RPP40: variants seen among roughly 807,000 people sequenced by gnomAD.
RPP40 encodes the protein ribonuclease P/MRP subunit p40.
Under a neutral mutation model 42.5 loss-of-function variants are expected in RPP40, and 30 were observed. That is an observed-to-expected ratio of 0.71 (90% confidence interval 0.53 to 0.96). RPP40 has a LOEUF of 0.96. RPP40 is among the 40% of genes least tolerant of loss of function. The probability of loss-of-function intolerance (pLI) is 0.00; values close to 1 mark genes in which losing one functional copy is unlikely to be tolerated. For synonymous variants in RPP40, 173 were observed against 164.0 expected (o/e 1.05, Z -0.42); for missense variants, 426 against 433.5 (o/e 0.98, Z 0.15).
intron 5 of RPP40, 27 bp downstream of exon 5, chr6:4,998,689 T>C: frequency 6.9e-7 from 1 of 1,445,990 alleles, no homozygotes; most frequent in South Asian, 1.3e-5. Context: ...AAAATCACTG[T>C]ATCATTACAT....
chr6:4,988,611 C>T, the RPP40 span, among the ~76,000 whole-genome samples: 22 of 152,198 alleles, frequency 1.4e-4, no homozygotes, highest in Non-Finnish European at 1.0e-4. Flanking sequence ...TTTTTTCACT[C>T]CATATAATTC....
At position 4,995,231 on chromosome 6, in the gene RPP40, G is replaced by A. The variant is rs753159113; in HGVS notation, c.939C>T (p.Ser313=). The change falls in exon 8 of 8, where the codon TCC becomes TCT. Residue 313 remains serine, a synonymous_variant. Transcript: ENST00000380051. ...EPKLAPWVTL[S]VQGFADSPVS... ...CAGGGCTGTCTGCAAAGCCTTGAAC[G>A]GACAGTGTAACCCATGGAGCTAACT... 15 of 1,613,884 alleles carry A rather than the reference G, an allele frequency of 9.3e-6. No homozygotes were observed. The Admixed American group carries it at 1.0e-4, about 11-fold the overall frequency.
chr6:4,992,479 A>G (rs971172823), downstream of RPP40, among the ~76,000 whole-genome samples: 103 of 152,132 alleles, frequency 6.8e-4, no homozygotes, highest in Non-Finnish European at 1.5e-4. Context: ...AGAATTGACT[A>G]ATATGCTGGG....
rs1299440992 is a variant in RPP40 at position 4,999,874 on chromosome 6, G to A, written c.368C>T (p.Thr123Ile). 1.2e-6 allele frequency: 2 copies of A among 1,608,134 alleles called. No homozygotes were observed. The highest frequency in any genetic ancestry group is 4.5e-5 in the East Asian group (2 of 44,778). The change falls in exon 4 of 8, where the codon ACT (threonine) becomes ATT (isoleucine). Residue 123 changes from threonine to isoleucine, a missense_variant. Physicochemically the swap from Thr to Ile is moderately conservative, Grantham distance 89. Coordinates refer to ENST00000380051, the MANE Select transcript of RPP40 (RefSeq NM_006638.4). ...GKLILSLDKDTYEETGLQGHP... is the reference protein window; with the variant it reads ...GKLILSLDKDIYEETGLQGHP... Reference sequence around the variant, plus strand: ...ACCCTGAAGTCCAGTTTCTTCATAAGTGTCTTTATCCAGTGACAAAATTAA... The same window carrying A: ...ACCCTGAAGTCCAGTTTCTTCATAAATGTCTTTATCCAGTGACAAAATTAA...
At chr6:5,000,943 C>T (rs1014404301) in intron 2 of RPP40, among the ~76,000 whole-genome samples, 1 of 151,404 alleles carries the variant, frequency 6.6e-6, no homozygotes, top group African/African-American at 2.4e-5. Context: ...GAAGAACAAG[C>T]ATGCAGAAGA....
the RPP40 span, among the ~76,000 whole-genome samples, chr6:4,989,328 A>C: frequency 1.3e-5 from 2 of 152,182 alleles, no homozygotes; most frequent in Non-Finnish European, 2.9e-5. Flanking sequence ...TTGCTTTAGA[A>C]TAACTCCTTA....
At chr6:5,000,396 C>A (rs1759513364) in intron 3 of RPP40, among the ~76,000 whole-genome samples, 167 bp downstream of exon 3, 1 of 151,522 alleles carries the variant, frequency 6.6e-6, no homozygotes. Flanking sequence ...CCATGTTGGC[C>A]AGGCTGGTCT....
chr6:4,989,671 G>A, the RPP40 span, among the ~76,000 whole-genome samples: 4 of 152,122 alleles, frequency 2.6e-5, no homozygotes, highest in East Asian at 1.9e-4. Context: ...ACTTATCCCA[G>A]GTATTTATGC....
chr6:5,000,324 G>A (rs1759511128), intron 3 of RPP40, among the ~76,000 whole-genome samples: 1 of 152,080 alleles, frequency 6.6e-6, no homozygotes, highest in African/African-American at 2.4e-5. Context: ...AAGGAGCTGG[G>A]ACTACAGGCA....
chr6:5,003,133 G>A (rs2127543917), intron 1 of RPP40, among the ~76,000 whole-genome samples: 1 of 152,158 alleles, frequency 6.6e-6, no homozygotes, highest in Middle Eastern at 3.4e-3. Context: ...CGGATCACGA[G>A]GTCAGGAGAT....
In RPP40 at chr6:4,995,058, C is replaced by T. The variant is rs763041192; in HGVS notation, c.*20G>A. On this transcript the variant is annotated 3_prime_UTR_variant, in exon 8 of 8. Transcript: ENST00000380051. The stretch of plus-strand genomic sequence containing the variant: ...AAGCAAGCGTAAATGTAAGTAAACA[C>T]GATTTTTAATTTTTATTTTTTATGG... The T allele has an allele frequency of 1.3e-6, 2 of 1,596,700 alleles. No individual in the cohort carries two copies. Among genetic ancestry groups the T allele is most frequent in the South Asian group, 1.1e-5 (1 of 89,928 alleles).
At chr6:5,003,686 T>G in intron 1 of RPP40, 194 bp downstream of exon 1, 5 of 596,972 alleles carry the variant, frequency 8.4e-6, no homozygotes, top group South Asian at 3.1e-5. Context: ...ATCCTGGGAG[T>G]TGTAGTCCTG....
chr6:4,995,991 T>G lies in RPP40; in HGVS notation c.853A>C (p.Ile285Leu), dbSNP rs781256718. 5.0e-6 allele frequency: 8 copies of G among 1,614,128 alleles called. No individual in the cohort carries two copies. The highest frequency in any genetic ancestry group is 6.8e-6 in the Non-Finnish European group (8 of 1,179,972). The change falls in exon 7 of 8, where the codon ATA (isoleucine) becomes CTA (leucine). Residue 285 changes from isoleucine (I) to leucine (L), a missense_variant. Ile to Leu is a conservative substitution (Grantham distance 5, BLOSUM62 2). Transcript: ENST00000380051. ...KAYLCTITGF[I>L]LPEKICLLLE... ...AGGAGACAGATCTTCTCTGGAAGTA[T>G]GAAGCCAGTGATTGTACACAAATAA... is the stretch of plus-strand genomic sequence containing the variant.
At chr6:4,992,183 AAAAC>A (rs1331197151), downstream of RPP40, among the ~76,000 whole-genome samples, 1 of 151,398 alleles carries the variant, frequency 6.6e-6, no homozygotes, top group Non-Finnish European at 1.5e-5. Context: ...TAAAAAAAGA[AAAAC>A]AAACAAAAAC....
At chr6:4,991,084 T>C (rs1226512229), downstream of RPP40, among the ~76,000 whole-genome samples, 2 of 152,128 alleles carry the variant, frequency 1.3e-5, no homozygotes, top group Admixed American at 1.3e-4. Context: ...TTTAAAAAAA[T>C]TTCCCCCCCA....
intron 5 of RPP40, among the ~76,000 whole-genome samples, chr6:4,998,362 G>A (rs1291746252): frequency 6.6e-6 from 1 of 152,242 alleles, no homozygotes; most frequent in African/African-American, 2.4e-5. Context: ...TAAGCAGATT[G>A]TGTATATAAT....
In RPP40 at chr6:5,003,309, T is replaced by C. The variant is rs1224364417; in HGVS notation, c.123+571A>G. Among the ~76,000 whole-genome samples, 5 of 122,740 alleles carry C rather than the reference T, an allele frequency of 4.1e-5. 1 individual carries two copies. The East Asian group carries it at 1.3e-3, about 32-fold the overall frequency. 80.5% of individuals were successfully genotyped at this position (122,740 alleles called of 152,430 possible). Reference sequence around the variant, plus strand: ...CTGCAGTGAGCCGAGATCGCGCCACTGCACTCCAGCCTGGGCGACAGAGCG... The same window carrying C: ...CTGCAGTGAGCCGAGATCGCGCCACCGCACTCCAGCCTGGGCGACAGAGCG... On this transcript the variant is annotated intron_variant, in intron 1 of 7. Coordinates refer to ENST00000380051, the MANE Select transcript of RPP40 (RefSeq NM_006638.4).
downstream of RPP40, among the ~76,000 whole-genome samples, chr6:4,991,340 T>C (rs1445816497): frequency 2.6e-5 from 4 of 152,234 alleles, no homozygotes; most frequent in South Asian, 2.1e-4. Context: ...CCATGTGTAC[T>C]TGCGAAAAAC....
At chr6:4,996,934 A>T (rs1259412889) in intron 5 of RPP40, among the ~76,000 whole-genome samples, 1 of 152,198 alleles carries the variant, frequency 6.6e-6, no homozygotes, top group Non-Finnish European at 1.5e-5. Flanking sequence ...TCCACGGCAA[A>T]GGGCAGGCTT....
Sources: gnomAD v4.1 joint callset for allele counts (sites outside exome capture counted in the v4.1 genomes callset) on GRCh38, gnomAD v4.1.1 for gene constraint, MANE v1.5 for transcripts, NCBI Gene and HGNC (gene_info 2026-07-23, HGNC 2026-07-21) for gene names.